Variants in CLVS1 observed in about 807,000 individuals in gnomAD.
CLVS1 encodes the protein clavesin 1, also known as clavesin-1.
CLVS1 carries 10 observed loss-of-function variants against 33.1 expected under a neutral mutation model. The observed-to-expected ratio is 0.30, with a 90% CI of 0.19 to 0.51. The LOEUF (loss-of-function observed/expected upper bound fraction) is 0.51. Among genes scored for constraint, CLVS1 ranks in the 20% least tolerant of loss-of-function variants. The pLI is 0.97. For synonymous variants in CLVS1, 163 were observed against 166.1 expected, an observed-to-expected ratio of 0.98 and a Z score of 0.14; for missense variants, 343 against 433.4, an observed-to-expected ratio of 0.79 and a Z score of 1.85.
At chr8:61,262,920 C>T (rs776205868) in intron 2 of CLVS1, among the ~76,000 whole-genome samples, 2 of 152,148 alleles carry the variant, frequency 1.3e-5, no homozygotes, top group Non-Finnish European at 2.9e-5. Flanking sequence ...GACACTAGAA[C>T]TGAGGGTTGT....
At chr8:61,037,380 C>A in the CLVS1 span, among the ~76,000 whole-genome samples, 7 of 152,188 alleles carry the variant, frequency 4.6e-5, no homozygotes, top group African/African-American at 7.2e-5. Context: ...TGGAATCATA[C>A]ATTATTCATC....
intron 3 of CLVS1, among the ~76,000 whole-genome samples, chr8:61,386,051 A>G (rs1814072587): frequency 6.6e-6 from 1 of 152,198 alleles, no homozygotes; most frequent in African/African-American, 2.4e-5. Flanking sequence ...TAGGCAACTA[A>G]TTCCATGGAT....
intron 2 of CLVS1, chr8:61,203,110 A>T: frequency 8.0e-7 from 1 of 1,247,518 alleles, no homozygotes; most frequent in Non-Finnish European, 1.2e-6. Flanking sequence ...CAAGTATAGA[A>T]AAAGGTGGTT....
At chr8:61,447,155 G>C (rs1816785384) in intron 3 of CLVS1, among the ~76,000 whole-genome samples, 1 of 151,980 alleles carries the variant, frequency 6.6e-6, no homozygotes, top group East Asian at 1.9e-4. Context: ...CTGTCTAAAA[G>C]ATTATCAGTT....
intron 2 of CLVS1, among the ~76,000 whole-genome samples, chr8:61,150,845 G>C (rs915842244): frequency 6.6e-6 from 1 of 152,170 alleles, no homozygotes; most frequent in East Asian, 1.9e-4. Flanking sequence ...CACAGAGGTT[G>C]CTATGCTGGG....
At chr8:60,971,660 A>G in the CLVS1 span, among the ~76,000 whole-genome samples, 3 of 152,262 alleles carry the variant, frequency 2.0e-5, no homozygotes, top group East Asian at 5.8e-4. Flanking sequence ...TGAGCCTCTC[A>G]GCAGGGTGGC....
At chr8:61,136,896 A>T (rs374786515) in intron 2 of CLVS1, among the ~76,000 whole-genome samples, 150 of 152,320 alleles carry the variant, frequency 9.8e-4, no homozygotes, top group African/African-American at 3.5e-3. Context: ...TTTTCTGGAA[A>T]TTGTGATGAT....
chr8:61,071,699 C>T (rs1804799871), intron 1 of CLVS1, among the ~76,000 whole-genome samples: 1 of 152,134 alleles, frequency 6.6e-6, no homozygotes, highest in Non-Finnish European at 1.5e-5. Flanking sequence ...TTTCACCTGC[C>T]CTTTTCCTAC....
chr8:61,354,186 T>G (rs1563512006), intron 2 of CLVS1, among the ~76,000 whole-genome samples: 1 of 152,084 alleles, frequency 6.6e-6, no homozygotes. Context: ...CAAGCTTGCA[T>G]GTTCTCTTCT....
At chr8:61,288,259 A>C (rs912496472) in intron 1 of CLVS1, 121 bp downstream of exon 1, 21 of 456,026 alleles carry the variant, frequency 4.6e-5, no homozygotes, top group Admixed American at 4.5e-4. Flanking sequence ...CCCATCTGCA[A>C]TCCCTCTGCA....
chr8:61,412,248 A>G (rs1463542134), intron 3 of CLVS1, among the ~76,000 whole-genome samples: 1 of 152,254 alleles, frequency 6.6e-6, no homozygotes, highest in Admixed American at 6.5e-5. Flanking sequence ...TTTCTAATAA[A>G]AACGTTAAAT....
intron 2 of CLVS1, among the ~76,000 whole-genome samples, chr8:61,270,474 CCT>C (rs1247578519): frequency 3.3e-5 from 5 of 151,930 alleles, no homozygotes; most frequent in Non-Finnish European, 7.4e-5. Context: ...TCTAAAATTC[CCT>C]TTTTTTGTTG....
chr8:61,267,568 A>G (rs1023738891), intron 2 of CLVS1, among the ~76,000 whole-genome samples: 3 of 152,204 alleles, frequency 2.0e-5, no homozygotes, highest in African/African-American at 7.2e-5. Context: ...TTCAGCCTTG[A>G]AAGATAGACC....
At chr8:61,193,715 A>T (rs1807544096) in intron 2 of CLVS1, among the ~76,000 whole-genome samples, 1 of 151,948 alleles carries the variant, frequency 6.6e-6, no homozygotes, top group Non-Finnish European at 1.5e-5. Flanking sequence ...AGAGATTTTG[A>T]CACCTATGGA....
At chr8:61,194,391 C>G (rs962623821) in intron 2 of CLVS1, among the ~76,000 whole-genome samples, 2 of 151,850 alleles carry the variant, frequency 1.3e-5, no homozygotes, top group African/African-American at 4.8e-5. Flanking sequence ...ACCAAAAAAC[C>G]CTGGCATTAT....
the CLVS1 span, among the ~76,000 whole-genome samples, chr8:61,023,289 T>C: frequency 8.5e-5 from 13 of 152,220 alleles, no homozygotes; most frequent in Non-Finnish European, 1.8e-4. Context: ...CTGGGCTCTC[T>C]GTGCCCTCAA....
intron 2 of CLVS1, among the ~76,000 whole-genome samples, chr8:61,206,837 T>C (rs1421176049): frequency 6.6e-6 from 1 of 152,232 alleles, no homozygotes. Flanking sequence ...TCCACCCGCC[T>C]CGGCCTCCCA....
chr8:61,059,480 A>ATT (rs1164212060), intron 1 of CLVS1, among the ~76,000 whole-genome samples: 3 of 84,206 alleles, frequency 3.6e-5, no homozygotes, highest in Non-Finnish European at 6.6e-5. Context: ...ACATACATAT[A>ATT]TATATATATA....
intron 2 of CLVS1, among the ~76,000 whole-genome samples, chr8:61,356,317 C>G (rs1812705595): frequency 6.6e-6 from 1 of 152,072 alleles, no homozygotes. Flanking sequence ...GATATTAGCC[C>G]TTTGTCAGAT....
Sources: gnomAD v4.1 joint callset for allele counts (sites outside exome capture counted in the v4.1 genomes callset) on GRCh38, gnomAD v4.1.1 for gene constraint, MANE v1.5 for transcripts, NCBI Gene and HGNC (gene_info 2026-07-23, HGNC 2026-07-21) for gene names.